CACNB2: variants seen among roughly 807,000 people sequenced by gnomAD.
The protein encoded by CACNB2 is calcium voltage-gated channel auxiliary subunit beta 2.
A neutral mutation model predicts 73.3 loss-of-function variants in CACNB2; 42 were observed. The observed-to-expected ratio is 0.57, with a 90% CI of 0.45 to 0.74. CACNB2 has a LOEUF of 0.74. Ranked by LOEUF, CACNB2 falls within the 30% of genes least tolerant of loss-of-function variation. CACNB2 has a pLI of 0.00. For missense variants in CACNB2, 940 were observed against 853.0 expected, an observed-to-expected ratio of 1.10 and a Z score of -1.27; for synonymous variants, 348 against 310.3, an observed-to-expected ratio of 1.12 and a Z score of -1.28.
At chr10:18,191,566 T>G (rs2034397631) in intron 2 of CACNB2, among the ~76,000 whole-genome samples, 1 of 152,198 alleles carries the variant, frequency 6.6e-6, no homozygotes, top group Non-Finnish European at 1.5e-5. Flanking sequence ...TGTACCCTAT[T>G]TGTAGTCTTT....
chr10:18,220,450 C>T (rs1306009380), intron 2 of CACNB2, among the ~76,000 whole-genome samples: 2 of 149,864 alleles, frequency 1.3e-5, no homozygotes, highest in Non-Finnish European at 3.0e-5. Context: ...ATATTTTTAA[C>T]AGGGTTTCAC....
chr10:18,150,396 G>A (rs1274924081), intron 1 of CACNB2, among the ~76,000 whole-genome samples: 2 of 152,226 alleles, frequency 1.3e-5, no homozygotes, highest in African/African-American at 4.8e-5. Flanking sequence ...GGGTGCAACG[G>A]CTCATGCCTG....
chr10:18,150,855 C>CTTTTTTTTTTTTTTG, intron 1 of CACNB2, 28 bp from the exon 2 acceptor site: 1 of 483,392 alleles, frequency 2.1e-6, no homozygotes, highest in Admixed American at 4.3e-5. Context: ...TCTTATTTGT[C>CTTTTTTTTTTTTTTG]TTTTTTTTTT....
At chr10:18,396,845 A>T (rs906567460) in intron 2 of CACNB2, among the ~76,000 whole-genome samples, 1 of 152,162 alleles carries the variant, frequency 6.6e-6, no homozygotes, top group African/African-American at 2.4e-5. Context: ...GCATCGTCCT[A>T]TGCATGAGGA....
chr10:18,427,353 A>G (rs1350643543), intron 3 of CACNB2, among the ~76,000 whole-genome samples: 1 of 151,842 alleles, frequency 6.6e-6, no homozygotes, highest in Non-Finnish European at 1.5e-5. Flanking sequence ...TTTTTTTAAC[A>G]TGTCGCTGGA....
chr10:18,229,642 G>A (rs2036149357), intron 2 of CACNB2, among the ~76,000 whole-genome samples: 2 of 152,094 alleles, frequency 1.3e-5, no homozygotes, highest in Admixed American at 6.5e-5. Flanking sequence ...TAAAAGGACA[G>A]TTCTTTAGTA....
chr10:18,378,311 T>G (rs2042883360), intron 2 of CACNB2, among the ~76,000 whole-genome samples: 1 of 152,220 alleles, frequency 6.6e-6, no homozygotes. Flanking sequence ...TTTTAGTGCT[T>G]GAAATTATTT....
At chr10:18,228,286 C>T (rs953845902) in intron 2 of CACNB2, among the ~76,000 whole-genome samples, 1 of 151,540 alleles carries the variant, frequency 6.6e-6, no homozygotes, top group Non-Finnish European at 1.5e-5. Flanking sequence ...CAAAGTTAGC[C>T]GGATGTGGTG....
chr10:18,280,721 T>C (rs558909342), intron 2 of CACNB2, among the ~76,000 whole-genome samples: 1 of 152,342 alleles, frequency 6.6e-6, no homozygotes, highest in African/African-American at 2.4e-5. Flanking sequence ...CATAATCTTA[T>C]TTGATTTTGG....
At chr10:18,154,384 G>A (rs1177017465) in intron 2 of CACNB2, among the ~76,000 whole-genome samples, 1 of 151,850 alleles carries the variant, frequency 6.6e-6, no homozygotes, top group Non-Finnish European at 1.5e-5. Flanking sequence ...CTTTAGAAGC[G>A]CAGACACCCA....
At chr10:18,284,061 TAAAAA>T (rs534904608) in intron 2 of CACNB2, among the ~76,000 whole-genome samples, 3 of 151,288 alleles carry the variant, frequency 2.0e-5, no homozygotes, top group Non-Finnish European at 2.9e-5. Context: ...ATTAAAACCT[TAAAAA>T]AAATAAAAAT....
intron 2 of CACNB2, among the ~76,000 whole-genome samples, chr10:18,194,878 A>T (rs910153256): frequency 5.3e-5 from 8 of 152,130 alleles, no homozygotes; most frequent in African/African-American, 1.9e-4. Context: ...ATGTCCATTC[A>T]CTTTATAGTG....
chr10:18,142,445 T>G (rs1033572765), intron 1 of CACNB2, among the ~76,000 whole-genome samples: 3 of 152,196 alleles, frequency 2.0e-5, no homozygotes, highest in African/African-American at 7.2e-5. Flanking sequence ...CTGATTTTTA[T>G]CTAGATGCTT....
At chr10:18,351,934 T>C (rs2041722970) in intron 2 of CACNB2, among the ~76,000 whole-genome samples, 1 of 152,176 alleles carries the variant, frequency 6.6e-6, no homozygotes, top group African/African-American at 2.4e-5. Flanking sequence ...AACACATATA[T>C]AGACATAGAG....
intron 13 of CACNB2, among the ~76,000 whole-genome samples, chr10:18,538,899 C>G (rs6482515): frequency 6.6e-6 from 1 of 151,572 alleles, no homozygotes; most frequent in Non-Finnish European, 1.5e-5. Flanking sequence ...AAGTTTACAC[C>G]GCTGTATAGA....
intron 2 of CACNB2, among the ~76,000 whole-genome samples, chr10:18,162,097 A>G (rs556982364): frequency 2.5e-4 from 38 of 152,280 alleles, no homozygotes; most frequent in African/African-American, 8.9e-4. Context: ...ATTTAAAAAC[A>G]AGGCTATATT....
At chr10:18,269,776 C>T (rs568548275) in intron 2 of CACNB2, among the ~76,000 whole-genome samples, 2 of 152,322 alleles carry the variant, frequency 1.3e-5, no homozygotes, top group South Asian at 2.1e-4. Context: ...CCCTTCCACT[C>T]TCCCACCACT....
At chr10:18,200,384 CT>C (rs928799422) in intron 2 of CACNB2, among the ~76,000 whole-genome samples, 25 of 151,892 alleles carry the variant, frequency 1.6e-4, no homozygotes, top group Non-Finnish European at 3.5e-4. Context: ...TTGGTGTAAT[CT>C]TTGGTATATC....
chr10:18,490,016 C>A (rs1784340085), intron 3 of CACNB2, among the ~76,000 whole-genome samples: 1 of 152,014 alleles, frequency 6.6e-6, no homozygotes, highest in Non-Finnish European at 1.5e-5. Context: ...TAGCTGGGAC[C>A]ACAGGTGCAC....
Sources: allele counts gnomAD v4.1 joint callset (sites outside exome capture counted in the v4.1 genomes callset), GRCh38; gene constraint gnomAD v4.1.1; transcripts MANE v1.5; gene names NCBI Gene and HGNC (gene_info 2026-07-23, HGNC 2026-07-21).